BIRC6: variants seen among roughly 807,000 people sequenced by gnomAD.
The protein encoded by BIRC6 is dual E2 ubiquitin-conjugating enzyme/E3 ubiquitin-protein ligase BIRC6.
BIRC6 carries 98 observed loss-of-function variants against 503.3 expected under a neutral mutation model. That is an observed-to-expected ratio of 0.19 (90% CI 0.17 to 0.23). BIRC6 has a LOEUF of 0.23. Among genes scored for constraint, BIRC6 ranks in the 10% least tolerant of loss-of-function variants. The pLI is 1.00. For missense variants in BIRC6, 5,360 were observed against 5,806.0 expected, an observed-to-expected ratio of 0.92 and a Z score of 2.50; for synonymous variants, 2,240 against 2,078.7, an observed-to-expected ratio of 1.08 and a Z score of -2.11.
chr2:32,510,552 A>C lies in BIRC6; in HGVS notation c.10264A>C (p.Arg3422=). The C allele has an allele frequency of 6.2e-7, 1 of 1,606,388 alleles. No individual in the cohort carries two copies. The highest frequency in any genetic ancestry group is 8.5e-7 in the Non-Finnish European group (1 of 1,173,362). ...TDLNSPLLFG[R]LNGLSSDSTI... is the part of the protein sequence containing the mutation. ...TTTGAATAGTCCTTTACTTTTTGGA[A>C]GACTAAATGGACTCTCTTCTGACTC... Residue 3422 remains arginine (R), a synonymous_variant, in exon 53 of 74, where the codon AGA becomes CGA. Coordinates refer to ENST00000421745, the MANE Select transcript of BIRC6 (RefSeq NM_016252.4).
chr2:32,541,104 C>A (rs2057629369), intron 61 of BIRC6, among the ~76,000 whole-genome samples: 1 of 151,950 alleles, frequency 6.6e-6, no homozygotes, highest in African/African-American at 2.4e-5. Context: ...GAGAATAGTC[C>A]TTTAAGAAAA....
intron 10 of BIRC6, among the ~76,000 whole-genome samples, chr2:32,421,785 A>G (rs1180877550): frequency 6.6e-6 from 1 of 152,174 alleles, no homozygotes; most frequent in Non-Finnish European, 1.5e-5. Flanking sequence ...TTCTGTGTGC[A>G]CTTGAAAAGA....
chr2:32,591,839 T>C (rs1250995835), intron 66 of BIRC6, among the ~76,000 whole-genome samples: 1 of 152,196 alleles, frequency 6.6e-6, no homozygotes, highest in African/African-American at 2.4e-5. Context: ...CATTTACAAC[T>C]GGGGAGTAAG....
intron 65 of BIRC6, among the ~76,000 whole-genome samples, chr2:32,569,894 T>G (rs1366015120): frequency 6.6e-6 from 1 of 151,822 alleles, no homozygotes. Flanking sequence ...GACTTCCTGC[T>G]TTTTGAGTTT....
rs149974119 is a variant in BIRC6, at chr2:32,442,150, A to C, written c.4030A>C (p.Ile1344Leu). The change falls in exon 18 of 74, where the codon ATC becomes CTC. Residue 1344 changes from isoleucine to leucine, a missense_variant. By Grantham distance (5) the Ile-to-Leu change is conservative. Coordinates refer to ENST00000421745, the MANE Select transcript of BIRC6 (RefSeq NM_016252.4). ...TTGCAGAAAAACAGATGATGGCCAG[A>C]TCACAGAACATGCCCAGAGCCTTGT... ...TLCRKTDDGQ[I>L]TEHAQSLVLD... 1 of 1,610,980 alleles carries C rather than the reference A, an allele frequency of 6.2e-7. No individual in the cohort carries two copies. The highest frequency in any genetic ancestry group is 8.5e-7 in the Non-Finnish European group (1 of 1,179,148).
chr2:32,389,089 A>T (rs1012384580), intron 4 of BIRC6, 146 bp downstream of exon 4: 2 of 582,216 alleles, frequency 3.4e-6, no homozygotes, highest in Admixed American at 7.9e-5. Context: ...AATCAATATG[A>T]ATTAGAATCT....
Position 32,468,055 on chromosome 2 carries a change from A to G in BIRC6, c.5724A>G (p.Pro1908=). The G allele has an allele frequency of 6.2e-7, 1 of 1,613,954 alleles. No individual in the cohort carries two copies. The highest frequency in any genetic ancestry group is 2.2e-5 in the East Asian group (1 of 44,864). The stretch of plus-strand genomic sequence containing the variant: ...GAGAGGGAGAATCTGCAAACCAGCC[A>G]GAAATTGACCAGCATTTAGCAATGA... ...LKGEGESANQ[P]EIDQHLAMMV... The change falls in exon 28 of 74, where the codon CCA becomes CCG. Residue 1908 remains proline (P), a synonymous_variant. Transcript: ENST00000421745.
At chr2:32,391,088 GA>G (rs2039176706) in intron 4 of BIRC6, among the ~76,000 whole-genome samples, 1 of 152,194 alleles carries the variant, frequency 6.6e-6, no homozygotes, top group African/African-American at 2.4e-5. Flanking sequence ...TGCCTATTTT[GA>G]GATTATAAAA....
rs147312475 is a variant in BIRC6 at position 32,479,183 on chromosome 2, A to C, written c.7253-279A>C. On this transcript the variant is annotated intron_variant, in intron 36 of 73. Coordinates refer to ENST00000421745, the MANE Select transcript of BIRC6 (RefSeq NM_016252.4). ...GGATAATAAGGATAATCTTTGTATA[A>C]GGTTGTTTTTATGAATAAGCGTGTT... Among the ~76,000 whole-genome samples, 707 of 152,268 alleles carry C rather than the reference A, an allele frequency of 4.6e-3. 9 individuals carry two copies. The highest frequency in any genetic ancestry group is 0.014 in the Middle Eastern group (4 of 294).
chr2:32,440,751 T>TTTTTATTATTATTATTATTATTATTA (rs773312894), intron 16 of BIRC6, among the ~76,000 whole-genome samples: 2 of 147,150 alleles, frequency 1.4e-5, no homozygotes, highest in Non-Finnish European at 1.5e-5. Context: ...TGTTTATTTA[T>TTTTTATTATTATTATTATTATTATTA]TTATTATTAT....
chr2:32,393,994 G>A lies in BIRC6; in HGVS notation c.952-1517G>A, dbSNP rs1573898238. Among the ~76,000 whole-genome samples, 3 of 150,520 alleles carry A rather than the reference G, an allele frequency of 2.0e-5. No individual in the cohort carries two copies. In the South Asian group the frequency reaches 6.2e-4, roughly 31 times the overall value. On this transcript the variant is annotated intron_variant, in intron 5 of 73. Coordinates refer to ENST00000421745, the MANE Select transcript of BIRC6 (RefSeq NM_016252.4). ...TGAATATTTTATTCAAAGTTTGTCA[G>A]ATTTCCTGTTACAGATAGGTAAGTT...
At chr2:32,591,513 G>A (rs1324041560) in intron 66 of BIRC6, among the ~76,000 whole-genome samples, 2 of 152,114 alleles carry the variant, frequency 1.3e-5, no homozygotes, top group East Asian at 1.9e-4. Flanking sequence ...CTACACACTG[G>A]GGTGGTAAAT....
At position 32,414,908 on chromosome 2, in the gene BIRC6, G is replaced by T; in HGVS notation, c.1617G>T (p.Gly539=). 1 of 1,613,900 alleles carries T rather than the reference G, an allele frequency of 6.2e-7. No homozygotes were observed. The highest frequency in any genetic ancestry group is 2.2e-5 in the East Asian group (1 of 44,866). Residue 539 remains glycine (G), a synonymous_variant, in exon 10 of 74, where the codon GGG becomes GGT. Coordinates refer to ENST00000421745, the MANE Select transcript of BIRC6 (RefSeq NM_016252.4). ...CTGTTAAGGATCTTGAAGAACTTGG[G>T]GCAAATCCTTGTTTAACAAACTCTA... ...EDTVKDLEEL[G]ANPCLTNSKS...
At chr2:32,391,927 C>G (rs1460246990) in intron 4 of BIRC6, 112 bp from the exon 5 acceptor site, 1 of 664,308 alleles carries the variant, frequency 1.5e-6, no homozygotes, top group Non-Finnish European at 2.4e-6. Context: ...TTCATCAGAC[C>G]ATTTGCAGTT....
chr2:32,556,724 G>A (rs2058806199), intron 65 of BIRC6, among the ~76,000 whole-genome samples: 1 of 152,124 alleles, frequency 6.6e-6, no homozygotes, highest in African/African-American at 2.4e-5. Flanking sequence ...CGAGGTGGGT[G>A]GATCACCTGA....
chr2:32,482,024 A>G (rs1208125237), intron 38 of BIRC6, among the ~76,000 whole-genome samples: 2 of 152,204 alleles, frequency 1.3e-5, no homozygotes, highest in African/African-American at 4.8e-5. Flanking sequence ...ACATTTAAGT[A>G]TACAGAAGTA....
chr2:32,386,071 C>T (rs2038413307), intron 3 of BIRC6, among the ~76,000 whole-genome samples: 1 of 152,170 alleles, frequency 6.6e-6, no homozygotes, highest in Admixed American at 6.5e-5. Context: ...AATCAGCGTG[C>T]TGTCATGATG....
At chr2:32,367,469 A>G (rs2035118036) in intron 1 of BIRC6, among the ~76,000 whole-genome samples, 1 of 152,012 alleles carries the variant, frequency 6.6e-6, no homozygotes, top group Non-Finnish European at 1.5e-5. Flanking sequence ...ATCTCAAAAA[A>G]AAAACAAAAA....
At position 32,617,926 on chromosome 2, in the gene BIRC6, T is replaced by C. The variant is rs768963127; in HGVS notation, c.*22T>C. On this transcript the variant is annotated 3_prime_UTR_variant, in exon 74 of 74. Transcript: ENST00000421745. ...ATGAGCTGCATTGATGTGGACTTCA[T>C]AGACACAAAGGCTTCGAAGCACAAG... 21 of 1,594,410 alleles carry C rather than the reference T, an allele frequency of 1.3e-5. No individual in the cohort carries two copies. The highest frequency in any genetic ancestry group is 1.7e-5 in the Admixed American group (1 of 58,236).
Sources: allele counts gnomAD v4.1 joint callset (sites outside exome capture counted in the v4.1 genomes callset), GRCh38; gene constraint gnomAD v4.1.1; transcripts MANE v1.5; gene names NCBI Gene and HGNC (gene_info 2026-07-23, HGNC 2026-07-21).